Variants in RNF157 observed in about 807,000 individuals in gnomAD.
The protein encoded by RNF157 is E3 ubiquitin ligase RNF157.
In RNF157, 55 loss-of-function variants were observed where a neutral mutation model predicts 88.3. The observed-to-expected ratio is 0.62, with a 90% CI of 0.50 to 0.78. The LOEUF (loss-of-function observed/expected upper bound fraction) is 0.78. Among genes scored for constraint, RNF157 ranks in the 30% least tolerant of loss-of-function variants. The probability of loss-of-function intolerance (pLI) is 0.00; values close to 1 mark genes in which losing one functional copy is unlikely to be tolerated. For synonymous variants in RNF157, 334 were observed against 341.2 expected, an observed-to-expected ratio of 0.98 and a Z score of 0.23; for missense variants, 788 against 860.8, an observed-to-expected ratio of 0.92 and a Z score of 1.06.
intron 2 of RNF157, among the ~76,000 whole-genome samples, chr17:76,206,167 G>A (rs113799391): frequency 0.064 from 9,775 of 152,110 alleles, 575 homozygotes; most frequent in African/African-American, 0.16. Context: ...GGAAGTCGAG[G>A]CTGCAGTGAG....
At chr17:76,165,709 G>C (rs1278531210) in intron 6 of RNF157, among the ~76,000 whole-genome samples, 164 bp from the exon 7 acceptor site, 1 of 151,290 alleles carries the variant, frequency 6.6e-6, no homozygotes, top group Non-Finnish European at 1.5e-5. Flanking sequence ...ACAGAGTCTG[G>C]CTCTGTTGCC....
rs116744373 is a variant in RNF157, at chr17:76,225,215, A to T, written c.89-12733T>A. On this transcript the variant is annotated intron_variant, in intron 1 of 18. Transcript: ENST00000269391. ...ACAAAAATATTACATGTTAGGTGCA[A>T]TGGCTCACAACTGTAATCCCAGCAC... 8.0e-3 allele frequency among the ~76,000 whole-genome samples: 1,158 copies of T among 145,108 alleles called. 15 individuals are homozygous for T. The highest frequency in any genetic ancestry group is 0.028 in the African/African-American group (1,097 of 39,164).
chr17:76,210,584 C>A (rs542092732), intron 2 of RNF157, among the ~76,000 whole-genome samples: 1 of 2,540 alleles, frequency 3.9e-4, no homozygotes. Flanking sequence ...AGCCAGACTC[C>A]GTCCAAAAAA....
At chr17:76,204,196 A>G (rs2069638439) in intron 2 of RNF157, among the ~76,000 whole-genome samples, 1 of 152,148 alleles carries the variant, frequency 6.6e-6, no homozygotes, top group African/African-American at 2.4e-5. Context: ...TGAGCGCCAA[A>G]AGCACACTTC....
At chr17:76,210,888 T>C (rs2069785574) in intron 2 of RNF157, among the ~76,000 whole-genome samples, 1 of 152,002 alleles carries the variant, frequency 6.6e-6, no homozygotes, top group Admixed American at 6.6e-5. Flanking sequence ...CACTGCAACC[T>C]CCACTTCCCG....
At chr17:76,181,907 CAAAAA>C (rs36009510) in intron 2 of RNF157, among the ~76,000 whole-genome samples, 1 of 75,924 alleles carries the variant, frequency 1.3e-5, no homozygotes, top group African/African-American at 4.7e-5. Flanking sequence ...GACTCTGTCT[CAAAAA>C]AAAAAAAAAA....
intron 1 of RNF157, among the ~76,000 whole-genome samples, chr17:76,222,259 C>T (rs1469934756): frequency 6.6e-6 from 1 of 151,276 alleles, no homozygotes; most frequent in Admixed American, 6.6e-5. Context: ...GGCACAAGAA[C>T]AGCTTGAACC....
rs1416870782 is a variant in RNF157 at position 76,145,020 on chromosome 17, T to C, written c.*215A>G. The C allele has an allele frequency of 3.1e-5, 16 of 517,540 alleles. No individual in the cohort carries two copies. The highest frequency in any genetic ancestry group is 4.4e-5 in the Non-Finnish European group (13 of 292,222). 32.1% of individuals were successfully genotyped at this position (517,540 alleles called of 1,614,324 possible). A position where few individuals can be genotyped will look rare whatever the true frequency, so the allele number is the denominator to read the frequency against. On this transcript the variant is annotated 3_prime_UTR_variant, in exon 19 of 19. Coordinates refer to ENST00000269391, the MANE Select transcript of RNF157 (RefSeq NM_052916.3). ...TCCAGAGTCCCTGCAAAAGGTCTCGTGAGCTGCAGTTCATTGAGTGGCTTT... is the reference window on the plus strand; with the variant it reads ...TCCAGAGTCCCTGCAAAAGGTCTCGCGAGCTGCAGTTCATTGAGTGGCTTT...
At chr17:76,170,312 T>G (rs928449128) in intron 3 of RNF157, among the ~76,000 whole-genome samples, 1 of 151,954 alleles carries the variant, frequency 6.6e-6, no homozygotes, top group Non-Finnish European at 1.5e-5. Flanking sequence ...ATTGCAGCCT[T>G]GACCTCCCTA....
At chr17:76,162,122 T>C in intron 9 of RNF157, 120 bp from the exon 10 acceptor site, 2 of 1,005,786 alleles carry the variant, frequency 2.0e-6, no homozygotes, top group East Asian at 2.6e-5. Flanking sequence ...AAATCTGCAT[T>C]GACATTGGAC....
intron 9 of RNF157, 133 bp from the exon 10 acceptor site, chr17:76,162,135 T>C (rs1256488352): frequency 2.2e-6 from 2 of 910,926 alleles, no homozygotes; most frequent in Non-Finnish European, 3.3e-6. Context: ...CATTGGACTT[T>C]GTCATTTTCC....
At position 76,176,125 on chromosome 17, in the gene RNF157, T is replaced by A. The variant is rs2069099197; in HGVS notation, c.208-2335A>T. 6.6e-6 allele frequency among the ~76,000 whole-genome samples: 1 copy of A among 152,146 alleles called. No individual in the cohort carries two copies. The highest frequency in any genetic ancestry group is 1.5e-5 in the Non-Finnish European group (1 of 68,034). On this transcript the variant is annotated intron_variant, in intron 2 of 18. Transcript: ENST00000269391. The surrounding 1 kb of genome is among the most constrained non-coding windows in gnomAD (Gnocchi z 4.2). ...TGCAATCAGAGTCTACATGCAACAC[T>A]CCATGCCAGGAGTAAGGAGAGATTG... is the stretch of plus-strand genomic sequence containing the variant.
chr17:76,190,642 G>A (rs1004696936), intron 2 of RNF157, among the ~76,000 whole-genome samples: 7 of 150,838 alleles, frequency 4.6e-5, no homozygotes, highest in Non-Finnish European at 7.4e-5. Flanking sequence ...GTTTACGGCC[G>A]GGCGTGATGG....
At chr17:76,204,484 C>T (rs1417653165) in intron 2 of RNF157, among the ~76,000 whole-genome samples, 1 of 152,222 alleles carries the variant, frequency 6.6e-6, no homozygotes, top group African/African-American at 2.4e-5. Context: ...CTTTTCATCT[C>T]TGCATTCCTA....
chr17:76,200,244 C>CAA (rs1185364000), intron 2 of RNF157, among the ~76,000 whole-genome samples: 2 of 123,674 alleles, frequency 1.6e-5, no homozygotes, highest in Non-Finnish European at 1.7e-5. Context: ...TCCGTCTTGT[C>CAA]AAAAAAAAAA....
chr17:76,189,419 T>C (rs1191100144), intron 2 of RNF157, among the ~76,000 whole-genome samples: 1 of 152,186 alleles, frequency 6.6e-6, no homozygotes, highest in Non-Finnish European at 1.5e-5. Context: ...TCAGCTCCTG[T>C]GCTGCTGGTT....
intron 2 of RNF157, among the ~76,000 whole-genome samples, chr17:76,184,275 C>T (rs2069245707): frequency 6.6e-6 from 1 of 151,174 alleles, no homozygotes; most frequent in Non-Finnish European, 1.5e-5. Context: ...ATAATAATTA[C>T]TATAGAAACC....
chr17:76,233,947 A>G (rs946599074), intron 1 of RNF157, among the ~76,000 whole-genome samples: 5 of 152,188 alleles, frequency 3.3e-5, no homozygotes, highest in African/African-American at 7.2e-5. Context: ...ACTATTCACC[A>G]CTATCTAATT....
intron 2 of RNF157, among the ~76,000 whole-genome samples, chr17:76,191,341 G>A (rs964105585): frequency 6.0e-5 from 9 of 150,494 alleles, no homozygotes; most frequent in African/African-American, 2.0e-4. Flanking sequence ...GGCTGGGCGC[G>A]GTGGCTCACA....
Sources: gnomAD v4.1 joint callset for allele counts (sites outside exome capture counted in the v4.1 genomes callset) on GRCh38, gnomAD v4.1.1 for gene constraint, Gnocchi (gnomAD v3.1) non-coding constraint, MANE v1.5 for transcripts, NCBI Gene and HGNC (gene_info 2026-07-23, HGNC 2026-07-21) for gene names.